OFD1: variants seen among roughly 807,000 people sequenced by gnomAD.
OFD1 encodes centriole and centriolar satellite protein OFD1.
In OFD1, 12 loss-of-function variants were observed where a neutral mutation model predicts 81.4. The observed-to-expected ratio is 0.15, with a 90% CI of 0.09 to 0.24. OFD1 has a LOEUF of 0.24. Ranked by LOEUF, OFD1 falls within the 10% of genes least tolerant of loss-of-function variation. The probability of loss-of-function intolerance (pLI) is 1.00; values close to 1 mark genes in which losing one functional copy is unlikely to be tolerated. For synonymous variants in OFD1, 256 were observed against 263.7 expected (o/e 0.97, Z 0.28); for missense variants, 685 against 733.9 (o/e 0.93, Z 0.77).
chrX:13,738,110 A>G (rs909161189), intron 3 of OFD1, among the ~76,000 whole-genome samples: 5 of 112,081 alleles, frequency 4.5e-5, no homozygotes, highest in Admixed American at 9.4e-5. Flanking sequence ...CAATCTCCCA[A>G]AGAGCTGGGA....
chrX:13,716,063 T>C, the OFD1 span: 20 of 1,191,723 alleles, frequency 1.7e-5, no homozygotes, highest in Admixed American at 3.6e-4. Flanking sequence ...TCTTGTCTTA[T>C]GTCATGAAGC....
At chrX:13,748,054 C>A (rs748693536) in intron 8 of OFD1, among the ~76,000 whole-genome samples, 1 of 112,162 alleles carries the variant, frequency 8.9e-6, no homozygotes, top group Non-Finnish European at 1.9e-5. Context: ...CTAGTGTCCA[C>A]TCTCGCCTGG....
chrX:13,753,392 C>G lies in OFD1; in HGVS notation c.1080C>G (p.Asp360Glu). The change falls in exon 11 of 23, where the codon GAC becomes GAG. Residue 360 changes from aspartate (D) to glutamate (E), a missense_variant. By Grantham distance (45) the Asp-to-Glu change is conservative. Around this residue, in one of 3 missense-constraint regions of OFD1, gnomAD observed 414 missense variants for 447.2 expected, o/e 0.93. Coordinates refer to ENST00000340096, the MANE Select transcript of OFD1 (RefSeq NM_003611.3). ...LLKYQLELKD[D>E]YIIRTNRLIE... ...GGTATCAACTTGAACTGAAGGATGA[C>G]TACATCATTAGAACTAATCGACTGA... 8.3e-7 allele frequency: 1 copy of G among 1,207,827 alleles called. No homozygotes were observed. The highest frequency in any genetic ancestry group is 1.1e-6 in the Non-Finnish European group (1 of 892,728).
intron 11 of OFD1, among the ~76,000 whole-genome samples, chrX:13,754,481 A>G (rs1260371975): frequency 9.4e-6 from 1 of 106,863 alleles, no homozygotes; most frequent in Non-Finnish European, 1.9e-5. Context: ...CAGTGGCACA[A>G]TCTCAGCTCA....
rs1232336804 is a variant in OFD1 at position 13,760,107 on chromosome X, C to T, written c.1655-8C>T. 8.3e-7 allele frequency: 1 copy of T among 1,211,341 alleles called. No individual in the cohort carries two copies. Among genetic ancestry groups the T allele is most frequent in the Admixed American group, 2.2e-5 (1 of 46,044 alleles). On this transcript the variant is annotated splice_polypyrimidine_tract_variant and splice_region_variant and intron_variant, in intron 15 of 22. Transcript: ENST00000340096. The stretch of plus-strand genomic sequence containing the variant: ...TTACTTCTGAAATTGGCTTTTTGTA[C>T]CCTGCAGCCCTAGAGAATGAAGTGT...
In OFD1 at chrX:13,735,062, C is replaced by T. The variant is rs1478831940; in HGVS notation, c.-10C>T. 1 of 1,192,525 alleles carries T rather than the reference C, an allele frequency of 8.4e-7. No individual in the cohort carries two copies. Among genetic ancestry groups the T allele is most frequent in the Admixed American group, 2.2e-5 (1 of 45,526 alleles). On this transcript the variant is annotated 5_prime_UTR_variant, in exon 1 of 23. Coordinates refer to ENST00000340096, the MANE Select transcript of OFD1 (RefSeq NM_003611.3). ...CGAGCGAGGCGGGCTCCGGAGGGAGCTGACGCCTGATGATGGCGCAGGTAG... is the reference window on the plus strand; with the variant it reads ...CGAGCGAGGCGGGCTCCGGAGGGAGTTGACGCCTGATGATGGCGCAGGTAG...
chrX:13,758,579 C>T (rs888983618), intron 15 of OFD1, 131 bp downstream of exon 15: 3 of 458,249 alleles, frequency 6.5e-6, no homozygotes, highest in African/African-American at 4.9e-5. Flanking sequence ...TATGTGTCAT[C>T]TTAGAAGTAA....
upstream of OFD1, chrX:13,734,463 G>T (rs2046765363): frequency 4.4e-6 from 1 of 225,786 alleles, no homozygotes; most frequent in East Asian, 7.8e-5. Context: ...TCACGCAGGG[G>T]CTACGAAGTC....
intron 2 of OFD1, 129 bp from the exon 3 acceptor site, chrX:13,736,349 A>G: frequency 6.4e-6 from 7 of 1,091,183 alleles, no homozygotes; most frequent in Middle Eastern, 3.5e-4. Flanking sequence ...TGGATCTAGA[A>G]CCATTATGGA....
intron 8 of OFD1, among the ~76,000 whole-genome samples, chrX:13,748,256 A>G (rs1208665697): frequency 6.2e-5 from 7 of 112,248 alleles, no homozygotes; most frequent in African/African-American, 6.5e-5. Context: ...ATCCCTGTTT[A>G]TTTATCTGAT....
intron 5 of OFD1, chrX:13,739,886 A>G: frequency 1.3e-6 from 1 of 754,385 alleles, no homozygotes; most frequent in Non-Finnish European, 1.6e-6. Context: ...TAGCATGAAC[A>G]TAAGCTGGCA....
chrX:13,745,933 A>G (rs2047278183), intron 6 of OFD1, among the ~76,000 whole-genome samples: 1 of 112,687 alleles, frequency 8.9e-6, no homozygotes, highest in East Asian at 2.8e-4. Flanking sequence ...CTTTAACCAG[A>G]GTCCAATAAA....
the OFD1 span, among the ~76,000 whole-genome samples, chrX:13,719,466 C>T: frequency 9.0e-6 from 1 of 111,423 alleles, no homozygotes; most frequent in East Asian, 2.8e-4. Flanking sequence ...TGCTGCAGAC[C>T]CAGTGGCAGC....
At chrX:13,715,121 G>T in the OFD1 span, among the ~76,000 whole-genome samples, 1 of 112,744 alleles carries the variant, frequency 8.9e-6, no homozygotes, top group Non-Finnish European at 1.9e-5. Flanking sequence ...CTGTTAAATT[G>T]TATTACTGTG....
chrX:13,752,582 C>T, intron 10 of OFD1: 1 of 542,281 alleles, frequency 1.8e-6, no homozygotes, highest in Non-Finnish European at 2.6e-6. Context: ...AGTTTCTATA[C>T]TAAAATAGCT....
At chrX:13,734,533 G>A (rs956510564), upstream of OFD1, 3 of 306,146 alleles carry the variant, frequency 9.8e-6, no homozygotes, top group Non-Finnish European at 1.5e-5. Flanking sequence ...ACCTGCAGTG[G>A]GAGGCCGACA....
rs758147627 is a variant in OFD1, at chrX:13,762,352, G to A, written c.2396G>A (p.Arg799Gln). The A allele has an allele frequency of 5.1e-6, 6 of 1,179,702 alleles. No individual in the cohort carries two copies. The highest frequency in any genetic ancestry group is 6.9e-6 in the Non-Finnish European group (6 of 867,997). ...TTATCCTTCCAATCTAGTCTTTATC[G>A]AAGACAAACTGAACTTCAAGACAAA... ...SPPEQKVGLY[R>Q]RQTELQDKSE... Residue 799 changes from arginine (R) to glutamine (Q), a missense_variant, in exon 18 of 23, where the codon CGA (arginine) becomes CAA (glutamine). By Grantham distance (43) the Arg-to-Gln change is conservative. Transcript: ENST00000340096.
intron 5 of OFD1, among the ~76,000 whole-genome samples, chrX:13,741,393 A>G (rs2047095882): frequency 8.9e-6 from 1 of 112,138 alleles, no homozygotes; most frequent in African/African-American, 3.2e-5. Context: ...GAAAACATGT[A>G]GGAAGATATT....
At position 13,749,105 on chromosome X, in the gene OFD1, G is replaced by C. The variant is rs1173531149; in HGVS notation, c.829-322G>C. ...CCACTGCACTCCAGCCTGTGTGACA[G>C]AGTGAGACCCTGTCTCAAAAAAAAA... is the stretch of plus-strand genomic sequence containing the variant. On this transcript the variant is annotated intron_variant, in intron 8 of 22. Coordinates refer to ENST00000340096, the MANE Select transcript of OFD1 (RefSeq NM_003611.3). Among the ~76,000 whole-genome samples the C allele has an allele frequency of 3.2e-5, 3 of 93,263 alleles. No homozygotes were observed. In the East Asian group the frequency reaches 1.0e-3, roughly 31 times the overall value. 81.0% of individuals were successfully genotyped at this position (93,263 alleles called of 115,157 possible). A position where few individuals can be genotyped will look rare whatever the true frequency, so the allele number is the denominator to read the frequency against.
Sources: gnomAD v4.1 joint callset for allele counts (sites outside exome capture counted in the v4.1 genomes callset) on GRCh38, gnomAD v4.1.1 for gene constraint, gnomAD v4.1.1 regional missense constraint, MANE v1.5 for transcripts, NCBI Gene and HGNC (gene_info 2026-07-23, HGNC 2026-07-21) for gene names.